The following SLC26A5 variants were observed in gnomAD, a reference collection of about 807,000 sequenced individuals.
SLC26A5 encodes solute carrier family 26 member 5, also known as prestin.
SLC26A5 carries 51 observed loss-of-function variants against 81.0 expected under a neutral mutation model. The observed-to-expected ratio is 0.63, with a 90% CI of 0.50 to 0.80. The LOEUF is 0.80. Ranked by LOEUF, SLC26A5 falls within the 30% of genes least tolerant of loss-of-function variation. The probability of loss-of-function intolerance (pLI) is 0.00; values close to 1 mark genes in which losing one functional copy is unlikely to be tolerated. For missense variants in SLC26A5, 771 were observed against 905.8 expected, an observed-to-expected ratio of 0.85 and a Z score of 1.91; for synonymous variants, 325 against 332.8, an observed-to-expected ratio of 0.98 and a Z score of 0.25.
At chr7:103,394,270 A>G (rs1822908827) in intron 9 of SLC26A5, among the ~76,000 whole-genome samples, 3 of 152,228 alleles carry the variant, frequency 2.0e-5, no homozygotes, top group Non-Finnish European at 4.4e-5. Context: ...TTTCCCTCAC[A>G]GCACTCCCAT....
chr7:103,430,536 T>C (rs2382694), intron 2 of SLC26A5, among the ~76,000 whole-genome samples: 78,016 of 151,992 alleles, frequency 0.51, 23,221 homozygotes, highest in African/African-American at 0.83. Context: ...GGACATCTGG[T>C]GAGTTACTTG....
chr7:103,362,239 C>T (rs1388722937), intron 19 of SLC26A5: 3 of 1,439,778 alleles, frequency 2.1e-6, no homozygotes, highest in African/African-American at 2.9e-5. Flanking sequence ...ATTCTGTCTT[C>T]TGCATCTGCT....
intron 9 of SLC26A5, among the ~76,000 whole-genome samples, chr7:103,396,653 G>A (rs752941282): frequency 7.2e-5 from 11 of 152,148 alleles, no homozygotes; most frequent in African/African-American, 1.4e-4. Flanking sequence ...AAAGATGAAC[G>A]GTGGTTACTG....
intron 4 of SLC26A5, among the ~76,000 whole-genome samples, chr7:103,418,477 C>G (rs764208967): frequency 2.0e-5 from 3 of 152,142 alleles, no homozygotes; most frequent in Non-Finnish European, 4.4e-5. Context: ...GTTTCAGATA[C>G]TGGGCCCTTA....
At chr7:103,368,103 T>A (rs1286477018) in intron 19 of SLC26A5, 1 of 1,500,970 alleles carries the variant, frequency 6.7e-7, no homozygotes, top group Non-Finnish European at 9.0e-7. Context: ...CCTAACCTTA[T>A]ATAGACTTGT....
At chr7:103,363,986 C>G (rs1444580751) in intron 19 of SLC26A5, among the ~76,000 whole-genome samples, 1 of 152,062 alleles carries the variant, frequency 6.6e-6, no homozygotes, top group East Asian at 1.9e-4. Context: ...TTATTTAGTT[C>G]AAGTATGTAT....
At chr7:103,412,658 T>C (rs1824594967) in intron 5 of SLC26A5, among the ~76,000 whole-genome samples, 1 of 150,568 alleles carries the variant, frequency 6.6e-6, no homozygotes, top group Admixed American at 6.6e-5. Flanking sequence ...GAAGCGATTC[T>C]CCTGCCTCAG....
At chr7:103,440,667 T>C (rs1826808302) in intron 2 of SLC26A5, among the ~76,000 whole-genome samples, 1 of 152,146 alleles carries the variant, frequency 6.6e-6, no homozygotes, top group Admixed American at 6.5e-5. Context: ...ATAAAATGAC[T>C]CCAATCCTAG....
chr7:103,414,857 T>C (rs989352238), intron 4 of SLC26A5, among the ~76,000 whole-genome samples: 1 of 152,238 alleles, frequency 6.6e-6, no homozygotes, highest in Non-Finnish European at 1.5e-5. Flanking sequence ...AGCTTTCTTG[T>C]AGTCCTTTCT....
intron 2 of SLC26A5, among the ~76,000 whole-genome samples, chr7:103,435,269 C>A (rs1826369001): frequency 6.6e-6 from 1 of 152,150 alleles, no homozygotes; most frequent in African/African-American, 2.4e-5. Flanking sequence ...AGGCGATTTT[C>A]TTTTCCCTGA....
At chr7:103,388,960 T>C in intron 14 of SLC26A5, 48 bp downstream of exon 14, 1 of 1,387,844 alleles carries the variant, frequency 7.2e-7, no homozygotes, top group Non-Finnish European at 1.0e-6. Flanking sequence ...AAGTCAACAT[T>C]GTCATCTCTG....
rs1489306742 is a variant in SLC26A5, at chr7:103,389,020, T to C, written c.1502A>G (p.Tyr501Cys). The C allele has an allele frequency of 1.2e-6, 2 of 1,611,336 alleles. No individual in the cohort carries two copies. The highest frequency in any genetic ancestry group is 1.7e-6 in the Non-Finnish European group (2 of 1,177,750). The change falls in exon 14 of 20, where the codon TAC becomes TGC. Residue 501 changes from tyrosine to cysteine, a missense_variant. Coordinates refer to ENST00000306312, the MANE Select transcript of SLC26A5 (RefSeq NM_198999.3). ...AVIIALLTVI[Y>C]RTQSPSYKVL... ...TCTGGGCACTCACCTCTGTGTTCTG[T>C]AAATCACAGTCAGCAGAGCAATGAT...
chr7:103,395,249 T>C (rs755266072), intron 9 of SLC26A5, among the ~76,000 whole-genome samples: 3 of 151,712 alleles, frequency 2.0e-5, no homozygotes, highest in Admixed American at 6.6e-5. Flanking sequence ...TGTATGTAGA[T>C]AGGTAGGTAG....
At chr7:103,410,214 C>T (rs1462786361) in intron 7 of SLC26A5, among the ~76,000 whole-genome samples, 171 bp downstream of exon 7, 1 of 152,158 alleles carries the variant, frequency 6.6e-6, no homozygotes, top group Non-Finnish European at 1.5e-5. Flanking sequence ...AGGTTTAGTT[C>T]TCTTTGTAAC....
chr7:103,362,445 T>TA (rs200119856), intron 19 of SLC26A5: 371 of 1,356,172 alleles, frequency 2.7e-4, no homozygotes, highest in African/African-American at 2.5e-3. Context: ...CTTAGTAAAT[T>TA]AAAAAAAAAT....
chr7:103,353,211 C>CT (rs914185628), intron 19 of SLC26A5, among the ~76,000 whole-genome samples: 5 of 151,898 alleles, frequency 3.3e-5, no homozygotes, highest in African/African-American at 9.7e-5. Context: ...ACATTATATC[C>CT]TTTTTTTTAA....
chr7:103,438,140 C>G (rs1826601104), intron 2 of SLC26A5, among the ~76,000 whole-genome samples: 1 of 151,984 alleles, frequency 6.6e-6, no homozygotes, highest in Non-Finnish European at 1.5e-5. Flanking sequence ...AGTTGGCCCT[C>G]TCTATCTGCA....
chr7:103,403,612 T>G (rs1028309033), intron 8 of SLC26A5, among the ~76,000 whole-genome samples: 1 of 152,180 alleles, frequency 6.6e-6, no homozygotes, highest in Non-Finnish European at 1.5e-5. Context: ...TTGATCTCTT[T>G]ATCATTATGT....
intron 16 of SLC26A5, 35 bp downstream of exon 16, chr7:103,379,208 C>T: frequency 6.8e-7 from 1 of 1,468,160 alleles, no homozygotes; most frequent in South Asian, 1.1e-5. Context: ...CCCACAAATC[C>T]CATCCTCAGA....
Sources: allele counts gnomAD v4.1 joint callset (sites outside exome capture counted in the v4.1 genomes callset), GRCh38; gene constraint gnomAD v4.1.1; transcripts MANE v1.5; gene names NCBI Gene and HGNC (gene_info 2026-07-23, HGNC 2026-07-21).